Variants in DPP10 observed in about 807,000 individuals in gnomAD.
DPP10 encodes inactive dipeptidyl peptidase 10.
A neutral mutation model predicts 120.9 loss-of-function variants in DPP10; 33 were observed. The observed-to-expected ratio is 0.27, with a 90% CI of 0.21 to 0.37. The LOEUF (loss-of-function observed/expected upper bound fraction) is 0.37, where lower values mean the gene tolerates loss of function less well. Among genes scored for constraint, DPP10 ranks in the 10% least tolerant of loss-of-function variants. The probability of loss-of-function intolerance (pLI) is 1.00; values close to 1 mark genes in which losing one functional copy is unlikely to be tolerated. For synonymous variants in DPP10, 337 were observed against 326.1 expected, an observed-to-expected ratio of 1.03 and a Z score of -0.36; for missense variants, 816 against 942.8, an observed-to-expected ratio of 0.87 and a Z score of 1.76.
chr2:115,266,821 AAAT>A (rs1346703636), intron 1 of DPP10, among the ~76,000 whole-genome samples: 1 of 152,190 alleles, frequency 6.6e-6, no homozygotes, highest in African/African-American at 2.4e-5. Flanking sequence ...GTATAGTGAA[AAAT>A]AATGAGAGAT....
intron 5 of DPP10, among the ~76,000 whole-genome samples, chr2:115,620,564 C>G (rs1437685673): frequency 6.6e-6 from 1 of 152,230 alleles, no homozygotes; most frequent in Non-Finnish European, 1.5e-5. Flanking sequence ...CAAATCTCTA[C>G]TAACAGTTCT....
At chr2:114,684,590 A>C (rs528516998) in intron 1 of DPP10, among the ~76,000 whole-genome samples, 1 of 152,062 alleles carries the variant, frequency 6.6e-6, no homozygotes, top group South Asian at 2.1e-4. Flanking sequence ...GACACATCAA[A>C]CAACCAGCCA....
chr2:115,681,414 T>C (rs1004840246), intron 5 of DPP10, among the ~76,000 whole-genome samples: 1 of 151,834 alleles, frequency 6.6e-6, no homozygotes, highest in Admixed American at 6.6e-5. Context: ...TATAGTGTTA[T>C]GCAAAGTTAC....
chr2:114,671,592 TG>T (rs1698344572), intron 1 of DPP10, among the ~76,000 whole-genome samples: 3 of 152,140 alleles, frequency 2.0e-5, no homozygotes, highest in African/African-American at 7.2e-5. Context: ...TAATAGGATT[TG>T]GTAATATCAT....
rs796549008 is a variant in DPP10 at position 115,268,978 on chromosome 2, C to A, written c.61-40261C>A. On this transcript the variant is annotated intron_variant, in intron 1 of 25. Coordinates refer to ENST00000410059, the MANE Select transcript of DPP10 (RefSeq NM_020868.6). ...CTTGGCCAACATAGTGAATACCTGT[C>A]TCTACTAAAAATACAAAAATTAGCT... Among the ~76,000 whole-genome samples the A allele has an allele frequency of 3.3e-5, 5 of 152,228 alleles. 1 individual carries two copies. Among genetic ancestry groups the A allele is most frequent in the African/African-American group, 1.2e-4 (5 of 41,546 alleles).
At chr2:115,269,318 C>T (rs1390098951) in intron 1 of DPP10, among the ~76,000 whole-genome samples, 1 of 152,152 alleles carries the variant, frequency 6.6e-6, no homozygotes, top group Non-Finnish European at 1.5e-5. Flanking sequence ...AGTAAGAATA[C>T]AGGGTAGCTG....
intron 1 of DPP10, among the ~76,000 whole-genome samples, chr2:115,233,287 T>C (rs925862249): frequency 3.3e-5 from 5 of 151,982 alleles, no homozygotes; most frequent in Admixed American, 1.3e-4. Context: ...TAATATCTTA[T>C]CCAAGAACTG....
chr2:115,299,853 A>G (rs1435533615), intron 1 of DPP10, among the ~76,000 whole-genome samples: 2 of 152,146 alleles, frequency 1.3e-5, no homozygotes, highest in East Asian at 3.9e-4. Context: ...TTATCAATTA[A>G]GAAAAAAGTT....
intron 1 of DPP10, among the ~76,000 whole-genome samples, chr2:115,174,008 T>C (rs2053538816): frequency 6.6e-6 from 1 of 152,226 alleles, no homozygotes. Flanking sequence ...TCTGTGATGA[T>C]GTCGATAAAG....
chr2:114,660,793 CAAAT>C (rs967059274), intron 1 of DPP10, among the ~76,000 whole-genome samples: 3 of 152,046 alleles, frequency 2.0e-5, no homozygotes, highest in Admixed American at 6.5e-5. Context: ...TACTGGCTCT[CAAAT>C]AATTTTAATT....
chr2:114,582,053 C>T (rs186097164), intron 1 of DPP10, among the ~76,000 whole-genome samples: 1 of 152,254 alleles, frequency 6.6e-6, no homozygotes, highest in East Asian at 1.9e-4. Flanking sequence ...GACATGTATC[C>T]ACCCTTCTGT....
intron 1 of DPP10, among the ~76,000 whole-genome samples, chr2:114,470,339 AG>A (rs1679806226): frequency 6.6e-6 from 1 of 152,234 alleles, no homozygotes; most frequent in African/African-American, 2.4e-5. Context: ...AAAAGCATCA[AG>A]GGTTTCTGGT....
intron 1 of DPP10, among the ~76,000 whole-genome samples, chr2:114,467,130 T>C (rs985831556): frequency 6.6e-6 from 1 of 152,212 alleles, no homozygotes; most frequent in African/African-American, 2.4e-5. Context: ...GATGTGGATT[T>C]ATTTTTACTT....
chr2:114,852,925 A>C (rs776788249), intron 1 of DPP10, among the ~76,000 whole-genome samples: 1 of 152,160 alleles, frequency 6.6e-6, no homozygotes, highest in Non-Finnish European at 1.5e-5. Context: ...GTAATGCCTG[A>C]TCTCTCAGAA....
At chr2:115,730,884 T>C (rs2092890863) in intron 8 of DPP10, among the ~76,000 whole-genome samples, 1 of 152,194 alleles carries the variant, frequency 6.6e-6, no homozygotes, top group Non-Finnish European at 1.5e-5. Flanking sequence ...GCTGTACGTG[T>C]ATGTGATTTA....
chr2:115,335,020 T>TA (rs1197136715), intron 2 of DPP10, among the ~76,000 whole-genome samples: 1 of 151,948 alleles, frequency 6.6e-6, no homozygotes, highest in Non-Finnish European at 1.5e-5. Flanking sequence ...TTATTGGACT[T>TA]ACAGTTCTGT....
At chr2:114,922,903 A>T (rs1695305120) in intron 1 of DPP10, among the ~76,000 whole-genome samples, 1 of 152,154 alleles carries the variant, frequency 6.6e-6, no homozygotes, top group Non-Finnish European at 1.5e-5. Context: ...TCTTAGGTGT[A>T]TACCTAGGAG....
At chr2:114,605,725 C>T (rs751288788) in intron 1 of DPP10, among the ~76,000 whole-genome samples, 1 of 151,940 alleles carries the variant, frequency 6.6e-6, no homozygotes, top group Non-Finnish European at 1.5e-5. Flanking sequence ...GTCATCAAAT[C>T]AAAAGTTCAT....
At chr2:115,022,536 T>C (rs979581819) in intron 1 of DPP10, among the ~76,000 whole-genome samples, 3 of 152,068 alleles carry the variant, frequency 2.0e-5, no homozygotes, top group African/African-American at 7.2e-5. Context: ...CCCATGCTCA[T>C]GATGAGGAGA....
Sources: gnomAD v4.1 joint callset for allele counts (sites outside exome capture counted in the v4.1 genomes callset) on GRCh38, gnomAD v4.1.1 for gene constraint, MANE v1.5 for transcripts, NCBI Gene and HGNC (gene_info 2026-07-23, HGNC 2026-07-21) for gene names.